The following GSK3B variants were observed in gnomAD, a reference collection of about 807,000 sequenced individuals.
GSK3B encodes the protein glycogen synthase kinase 3 beta.
GSK3B carries 15 observed loss-of-function variants against 56.4 expected under a neutral mutation model. The observed-to-expected ratio is 0.27, with a 90% CI of 0.18 to 0.41. The LOEUF (loss-of-function observed/expected upper bound fraction) is 0.41. GSK3B is among the 10% of genes least tolerant of loss of function. GSK3B has a pLI of 1.00. For missense variants in GSK3B, 300 were observed against 513.4 expected, an observed-to-expected ratio of 0.58 and a Z score of 4.02; for synonymous variants, 181 against 188.9, an observed-to-expected ratio of 0.96 and a Z score of 0.34.
At chr3:119,951,139 A>G (rs560388872) in intron 2 of GSK3B, among the ~76,000 whole-genome samples, 2 of 152,342 alleles carry the variant, frequency 1.3e-5, no homozygotes, top group South Asian at 4.1e-4. Context: ...CTCCCCACAC[A>G]TAACTGTCTG....
chr3:119,975,304 G>A (rs1034303024), intron 2 of GSK3B, among the ~76,000 whole-genome samples: 3 of 152,072 alleles, frequency 2.0e-5, no homozygotes, highest in Admixed American at 2.0e-4. Flanking sequence ...AAAATTAGCT[G>A]GGTGTGGTGG....
At chr3:119,894,054 C>A (rs898096734) in intron 7 of GSK3B, among the ~76,000 whole-genome samples, 1 of 152,066 alleles carries the variant, frequency 6.6e-6, no homozygotes, top group African/African-American at 2.4e-5. Context: ...TTTCCCCCAG[C>A]TCCCCAGAAC....
chr3:119,938,438 T>C (rs2057016563), intron 3 of GSK3B, among the ~76,000 whole-genome samples: 1 of 152,056 alleles, frequency 6.6e-6, no homozygotes, highest in Admixed American at 6.6e-5. Context: ...ATGACCAAGA[T>C]TGGGGTATAA....
chr3:120,024,523 A>G (rs758729254), intron 1 of GSK3B, among the ~76,000 whole-genome samples: 1 of 152,158 alleles, frequency 6.6e-6, no homozygotes, highest in Non-Finnish European at 1.5e-5. Flanking sequence ...ATACGTACAC[A>G]TATCTCTCTT....
intron 4 of GSK3B, 96 bp from the exon 5 acceptor site, chr3:119,916,270 C>CTATGGATTCTCAGAAA: frequency 9.7e-7 from 1 of 1,028,768 alleles, no homozygotes; most frequent in South Asian, 1.6e-5. Context: ...CAGAAAAGAA[C>CTATGGATTCTCAGAAA]AGGTGAAATG....
intron 1 of GSK3B, among the ~76,000 whole-genome samples, chr3:120,055,081 T>A (rs1008256455): frequency 6.6e-6 from 1 of 152,228 alleles, no homozygotes; most frequent in Non-Finnish European, 1.5e-5. Context: ...TTCTTAACGA[T>A]ATCTTGCCTA....
chr3:119,915,915 C>T (rs535655818), intron 5 of GSK3B, 129 bp downstream of exon 5: 14 of 588,772 alleles, frequency 2.4e-5, no homozygotes, highest in East Asian at 8.8e-5. Context: ...CTCACAGCTG[C>T]ACTAGTTTAT....
intron 1 of GSK3B, among the ~76,000 whole-genome samples, chr3:120,044,469 T>C (rs2107535124): frequency 6.6e-6 from 1 of 151,888 alleles, no homozygotes; most frequent in Admixed American, 6.6e-5. Flanking sequence ...CACCCTGGCA[T>C]TTCATCAAGC....
chr3:120,040,088 G>A lies in GSK3B; in HGVS notation c.89-37849C>T, dbSNP rs940138045. On this transcript the variant is annotated intron_variant, in intron 1 of 10. Transcript: ENST00000264235. ...GGAAAGGAGGCTCACATACCACAGC[G>A]ACTAGGTAACTCTGTGCACAGACCA... 5.3e-5 allele frequency among the ~76,000 whole-genome samples: 8 copies of A among 152,224 alleles called. No individual in the cohort carries two copies. In the East Asian group the frequency reaches 9.6e-4, roughly 18 times the overall value.
chr3:120,060,970 T>C (rs947085123), intron 1 of GSK3B, among the ~76,000 whole-genome samples: 1 of 152,192 alleles, frequency 6.6e-6, no homozygotes, highest in Non-Finnish European at 1.5e-5. Flanking sequence ...TTAAAAGATT[T>C]TGTCACTTTT....
chr3:119,982,382 T>A (rs1179619949), intron 2 of GSK3B, among the ~76,000 whole-genome samples: 1 of 152,150 alleles, frequency 6.6e-6, no homozygotes, highest in Non-Finnish European at 1.5e-5. Context: ...TTGACAGAAG[T>A]AGGCTTCATA....
At chr3:119,848,457 TA>T (rs2055885648) in intron 9 of GSK3B, among the ~76,000 whole-genome samples, 2 of 152,148 alleles carry the variant, frequency 1.3e-5, no homozygotes, top group South Asian at 4.1e-4. Context: ...TATGTTAACA[TA>T]AACCATTTAA....
At chr3:119,921,556 T>C (rs1250471252) in intron 4 of GSK3B, among the ~76,000 whole-genome samples, 1 of 152,140 alleles carries the variant, frequency 6.6e-6, no homozygotes, top group African/African-American at 2.4e-5. Context: ...ACATACTAAT[T>C]ACACTACAGA....
chr3:119,855,068 T>C (rs1416402173), intron 9 of GSK3B, among the ~76,000 whole-genome samples: 1 of 152,226 alleles, frequency 6.6e-6, no homozygotes, highest in African/African-American at 2.4e-5. Context: ...GTGCTATAAA[T>C]TTTCCTCTAT....
intron 1 of GSK3B, among the ~76,000 whole-genome samples, chr3:120,019,444 C>T (rs62264745): frequency 0.018 from 2,797 of 152,292 alleles, 52 homozygotes; most frequent in Middle Eastern, 0.041. Context: ...TTATACTCTA[C>T]CCCTATTCCC....
chr3:119,842,505 AAAAAC>A (rs1039277816), intron 10 of GSK3B, among the ~76,000 whole-genome samples: 15 of 152,330 alleles, frequency 9.8e-5, no homozygotes, highest in African/African-American at 3.1e-4. Context: ...TCGAGGGGAA[AAAAAC>A]AAAAGTGTAT....
At chr3:119,833,007 T>C (rs1159165702) in intron 10 of GSK3B, 17 of 980,682 alleles carry the variant, frequency 1.7e-5, no homozygotes, top group Non-Finnish European at 2.1e-5. Context: ...GTTGGCTAGA[T>C]AATGGAGTCA....
chr3:119,843,445 T>A, intron 9 of GSK3B, 92 bp from the exon 10 acceptor site: 1 of 664,014 alleles, frequency 1.5e-6, no homozygotes, highest in Non-Finnish European at 2.6e-6. Context: ...AGATTCTGCA[T>A]TAAACTACCA....
chr3:120,070,861 C>G (rs907241008), intron 1 of GSK3B, among the ~76,000 whole-genome samples: 4 of 152,166 alleles, frequency 2.6e-5, no homozygotes, highest in Admixed American at 2.6e-4. Context: ...ACTTAGGAAT[C>G]GGCAAGATTA....
Sources: allele counts gnomAD v4.1 joint callset (sites outside exome capture counted in the v4.1 genomes callset), GRCh38; gene constraint gnomAD v4.1.1; transcripts MANE v1.5; gene names NCBI Gene and HGNC (gene_info 2026-07-23, HGNC 2026-07-21).